ADH4: variants seen among roughly 807,000 people sequenced by gnomAD.
ADH4 encodes the protein all-trans-retinol dehydrogenase [NAD(+)] ADH4.
ADH4 carries 31 observed loss-of-function variants against 35.2 expected under a neutral mutation model. The ratio of observed to expected loss-of-function variants is 0.88; its 90% CI spans 0.66 to 1.19. ADH4 has a LOEUF of 1.19. Among genes scored for constraint, ADH4 ranks in the 50% most tolerant of loss-of-function variants. ADH4 has a pLI of 0.00. For missense variants in ADH4, 476 were observed against 458.3 expected (o/e 1.04, Z -0.35); for synonymous variants, 171 against 160.2 (o/e 1.07, Z -0.51).
intron 5 of ADH4, among the ~76,000 whole-genome samples, chr4:99,132,968 A>G (rs1290951445): frequency 6.6e-6 from 1 of 152,188 alleles, no homozygotes; most frequent in Non-Finnish European, 1.5e-5. Flanking sequence ...TATATTGCAA[A>G]TAGTAAGAAT....
intron 3 of ADH4, 120 bp downstream of exon 3, chr4:99,141,421 G>T: frequency 1.1e-6 from 1 of 942,814 alleles, no homozygotes; most frequent in Non-Finnish European, 1.5e-6. Flanking sequence ...GTTTTACTTT[G>T]GAAAAGATGG....
At chr4:99,130,451 C>T (rs544704890) in intron 6 of ADH4, among the ~76,000 whole-genome samples, 1 of 152,096 alleles carries the variant, frequency 6.6e-6, no homozygotes, top group Non-Finnish European at 1.5e-5. Context: ...AGGGTGTTGA[C>T]CCTTGGTTTA....
At chr4:99,126,144 A>T (rs1199945057) in intron 8 of ADH4, among the ~76,000 whole-genome samples, 3 of 152,216 alleles carry the variant, frequency 2.0e-5, no homozygotes, top group African/African-American at 7.2e-5. Flanking sequence ...AGAATGAGAC[A>T]GTTGGGGCAT....
intron 8 of ADH4, among the ~76,000 whole-genome samples, chr4:99,125,864 T>C (rs1186868229): frequency 1.3e-5 from 2 of 152,242 alleles, no homozygotes; most frequent in African/African-American, 4.8e-5. Context: ...TCTTTTGTTG[T>C]ATCTTCTCTT....
At chr4:99,127,094 C>G (rs1729119771) in intron 7 of ADH4, 115 bp downstream of exon 7, 17 of 762,202 alleles carry the variant, frequency 2.2e-5, no homozygotes, top group Non-Finnish European at 3.3e-5. Context: ...TGGATATGCT[C>G]TAGGGATTCA....
At chr4:99,128,558 A>G in intron 6 of ADH4, among the ~76,000 whole-genome samples, 1 of 152,230 alleles carries the variant, frequency 6.6e-6, no homozygotes, top group Admixed American at 6.5e-5. Flanking sequence ...ATAAATGCTT[A>G]TAAGTGGACT....
At chr4:99,133,991 A>G (rs2110497533) in intron 5 of ADH4, among the ~76,000 whole-genome samples, 1 of 152,342 alleles carries the variant, frequency 6.6e-6, no homozygotes, top group Non-Finnish European at 1.5e-5. Flanking sequence ...TTTTAAAAAA[A>G]TGAAAATCCT....
In ADH4 at chr4:99,126,739, T is replaced by A. The variant is rs29001222; in HGVS notation, c.980-7A>T. On this transcript the variant is annotated splice_region_variant and splice_polypyrimidine_tract_variant and intron_variant, in intron 7 of 8. Coordinates refer to ENST00000265512, the MANE Select transcript of ADH4 (RefSeq NM_000670.5). ...GAATCTACACTTTTCCAACCTGTAATGTGGACAAAATGCAAAATAAAGACA... is the reference window on the plus strand; with the variant it reads ...GAATCTACACTTTTCCAACCTGTAAAGTGGACAAAATGCAAAATAAAGACA... 14,710 of 1,585,656 alleles carry A rather than the reference T, an allele frequency of 9.3e-3. 943 individuals carry two copies. In the African/African-American group the frequency reaches 0.16, roughly 17 times the overall value.
intron 4 of ADH4, 40 bp from the exon 5 acceptor site, chr4:99,136,737 G>C (rs754849081): frequency 7.5e-7 from 1 of 1,328,344 alleles, no homozygotes; most frequent in Non-Finnish European, 1.1e-6. Flanking sequence ...ATAAAGAGAA[G>C]TTATAATAAA....
intron 4 of ADH4, among the ~76,000 whole-genome samples, chr4:99,137,135 AT>A (rs11317458): frequency 0.79 from 110,706 of 139,262 alleles, 41,925 homozygotes; most frequent in East Asian, 1. Flanking sequence ...TATTATTATT[AT>A]TTTTTTTTTG....
chr4:99,140,591 G>A (rs1232154419), intron 3 of ADH4, among the ~76,000 whole-genome samples: 1 of 151,504 alleles, frequency 6.6e-6, no homozygotes, highest in Non-Finnish European at 1.5e-5. Flanking sequence ...AAAAAGTCTG[G>A]GCAAGGTGGC....
intron 6 of ADH4, among the ~76,000 whole-genome samples, chr4:99,128,355 G>A (rs1289602782): frequency 4.6e-5 from 7 of 152,190 alleles, no homozygotes; most frequent in African/African-American, 1.7e-4. Context: ...AAAATTGCTT[G>A]AGCCCAGGAG....
chr4:99,128,516 C>T (rs1284018589), intron 6 of ADH4, among the ~76,000 whole-genome samples: 1 of 151,928 alleles, frequency 6.6e-6, no homozygotes, highest in East Asian at 1.9e-4. Flanking sequence ...ATCTAGATAA[C>T]TATTAAAAAT....
rs1055575764 is a variant in ADH4, at chr4:99,131,619, G to C, written c.728C>G (p.Ala243Gly). ...GTCTCTAGGATTGAGGCAGTCAGTG[G>C]CTCCCAGGGCTTTAGCCTTCACAAA... ...EKFVKAKALG[A>G]TDCLNPRDLH... Residue 243 changes from alanine (A) to glycine (G), a missense_variant, in exon 6 of 9, where the codon GCC (alanine) becomes GGC (glycine). Coordinates refer to ENST00000265512, the MANE Select transcript of ADH4 (RefSeq NM_000670.5). The C allele has an allele frequency of 6.2e-7, 1 of 1,614,062 alleles. No homozygotes were observed. The highest frequency in any genetic ancestry group is 1.1e-5 in the South Asian group (1 of 91,080).
At chr4:99,141,505 G>A (rs1459894913) in intron 3 of ADH4, 36 bp downstream of exon 3, 2 of 1,583,720 alleles carry the variant, frequency 1.3e-6, no homozygotes, top group South Asian at 2.3e-5. Context: ...CTGAAATATT[G>A]TGACATTTCC....
intron 6 of ADH4, among the ~76,000 whole-genome samples, chr4:99,129,720 C>T (rs1013064470): frequency 6.6e-6 from 1 of 152,070 alleles, no homozygotes; most frequent in Non-Finnish European, 1.5e-5. Flanking sequence ...ATTCTTATGG[C>T]CTGATACTAA....
intron 7 of ADH4, 98 bp from the exon 8 acceptor site, chr4:99,126,830 G>A: frequency 8.0e-7 from 1 of 1,244,492 alleles, no homozygotes. Context: ...GGTCAGATTT[G>A]GTTTGCTTCA....
Position 99,142,663 on chromosome 4 carries a change from G to T in ADH4, c.120+16C>A. On this transcript the variant is annotated intron_variant, in intron 2 of 8. Coordinates refer to ENST00000265512, the MANE Select transcript of ADH4 (RefSeq NM_000670.5). ...GGGGCCCTGTCTGTTCCCACCCAAG[G>T]AAAGTCTCCACTTACCTGAATGCGA... 6.6e-7 allele frequency: 1 copy of T among 1,519,438 alleles called. No homozygotes were observed. The allele number at this position is 1,519,438 out of a possible 1,614,324, so 94.1% of individuals were successfully genotyped here. A position where few individuals can be genotyped will look rare whatever the true frequency, so the allele number is the denominator to read the frequency against.
At chr4:99,124,943 C>T (rs1729037395) in intron 8 of ADH4, among the ~76,000 whole-genome samples, 2 of 152,148 alleles carry the variant, frequency 1.3e-5, no homozygotes, top group African/African-American at 4.8e-5. Flanking sequence ...GCCTCAAGGA[C>T]AGAGCAGTCT....
Sources: allele counts gnomAD v4.1 joint callset (sites outside exome capture counted in the v4.1 genomes callset), GRCh38; gene constraint gnomAD v4.1.1; transcripts MANE v1.5; gene names NCBI Gene and HGNC (gene_info 2026-07-23, HGNC 2026-07-21).